NLGN4X: variants seen among roughly 807,000 people sequenced by gnomAD.
NLGN4X encodes neuroligin 4 X-linked, also known as neuroligin-4, X-linked.
Under a neutral mutation model 40.3 loss-of-function variants are expected in NLGN4X, and 3 were observed. The observed-to-expected ratio is 0.07, with a 90% CI of 0.03 to 0.19. The LOEUF is 0.19. NLGN4X is among the 10% of genes least tolerant of loss of function. NLGN4X has a pLI of 1.00. For synonymous variants in NLGN4X, 270 were observed against 306.8 expected, an observed-to-expected ratio of 0.88 and a Z score of 1.25; for missense variants, 382 against 708.3, an observed-to-expected ratio of 0.54 and a Z score of 5.23.
At chrX:6,082,977 T>TTTTTTTTTTTAGG (rs1569227473) in intron 2 of NLGN4X, among the ~76,000 whole-genome samples, 1 of 85,670 alleles carries the variant, frequency 1.2e-5, no homozygotes, top group Non-Finnish European at 2.2e-5. Flanking sequence ...TTTTTTTTTT[T>TTTTTTTTTTTAGG]GAGACGGAGT....
At chrX:6,193,129 A>C (rs757725976) in intron 1 of NLGN4X, among the ~76,000 whole-genome samples, 3 of 112,290 alleles carry the variant, frequency 2.7e-5, no homozygotes, top group African/African-American at 9.7e-5. Context: ...GCCTTTAAAA[A>C]TGCCTCCCTG....
At chrX:6,090,670 C>CAT (rs770164881) in intron 2 of NLGN4X, among the ~76,000 whole-genome samples, 5 of 111,928 alleles carry the variant, frequency 4.5e-5, no homozygotes, top group East Asian at 2.8e-4. Context: ...GAGCAAAAAA[C>CAT]ATATATATAT....
At chrX:5,951,080 G>A (rs1250646334) in intron 3 of NLGN4X, among the ~76,000 whole-genome samples, 1 of 112,105 alleles carries the variant, frequency 8.9e-6, no homozygotes, top group Non-Finnish European at 1.9e-5. Flanking sequence ...TCTTGACAAT[G>A]AAACTTACAA....
chrX:6,068,240 T>C (rs971956367), intron 2 of NLGN4X, among the ~76,000 whole-genome samples: 2 of 111,739 alleles, frequency 1.8e-5, no homozygotes, highest in Non-Finnish European at 3.8e-5. Flanking sequence ...GGCTCAAGTC[T>C]TCTCTCCTGT....
intron 2 of NLGN4X, among the ~76,000 whole-genome samples, chrX:6,114,013 G>T (rs1241519337): frequency 1.8e-5 from 2 of 111,018 alleles, no homozygotes; most frequent in Non-Finnish European, 3.8e-5. Flanking sequence ...TAGAGAGGGG[G>T]TTTCACCATG....
intron 1 of NLGN4X, among the ~76,000 whole-genome samples, chrX:6,181,256 A>G (rs1450790308): frequency 9.0e-6 from 1 of 111,690 alleles, no homozygotes. Context: ...TTAGTAATCT[A>G]TTACACTATA....
intron 2 of NLGN4X, among the ~76,000 whole-genome samples, chrX:6,120,324 C>G (rs1036801207): frequency 3.6e-5 from 4 of 111,920 alleles, no homozygotes; most frequent in African/African-American, 1.3e-4. Flanking sequence ...AGCACCTAGC[C>G]TGATGCCTGG....
At chrX:6,063,170 C>T (rs917050837) in intron 2 of NLGN4X, among the ~76,000 whole-genome samples, 1 of 111,780 alleles carries the variant, frequency 8.9e-6, no homozygotes, top group Non-Finnish European at 1.9e-5. Context: ...CACTCATCAC[C>T]TTATAAAATA....
At chrX:5,960,156 A>C (rs1477737793) in intron 3 of NLGN4X, among the ~76,000 whole-genome samples, 6 of 110,918 alleles carry the variant, frequency 5.4e-5, no homozygotes. Context: ...AGTTCAATCA[A>C]TATTACACAA....
chrX:5,968,167 G>C (rs73442146), intron 3 of NLGN4X, among the ~76,000 whole-genome samples: 1 of 108,449 alleles, frequency 9.2e-6, no homozygotes, highest in South Asian at 4.0e-4. Context: ...GGAGAAATCC[G>C]TAATGCAATA....
rs1288522935 is a variant in NLGN4X, at chrX:5,892,744, T to C, written c.*73A>G. 3 of 1,166,972 alleles carry C rather than the reference T, an allele frequency of 2.6e-6. No homozygotes were observed. The African/African-American group carries it at 5.4e-5, about 21-fold the overall frequency. On this transcript the variant is annotated 3_prime_UTR_variant, in exon 6 of 6. Transcript: ENST00000381095. ...AGACTTTCTTTCTCTCTCTCTTTCCTTCTCTCTTTCCTTCCCTCTTCTATG... is the reference window on the plus strand; with the variant it reads ...AGACTTTCTTTCTCTCTCTCTTTCCCTCTCTCTTTCCTTCCCTCTTCTATG...
In NLGN4X at chrX:5,890,769, A is replaced by C. The variant is rs1003779897; in HGVS notation, c.*2048T>G. ...TTCACATATTTATATACAGAGAATCACTCTCAAATTTAACCCAAGATAAGC... is the reference window on the plus strand; with the variant it reads ...TTCACATATTTATATACAGAGAATCCCTCTCAAATTTAACCCAAGATAAGC... On this transcript the variant is annotated 3_prime_UTR_variant, in exon 6 of 6. Transcript: ENST00000381095. 2 of 296,533 alleles carry C rather than the reference A, an allele frequency of 6.7e-6. No individual in the cohort carries two copies. Among genetic ancestry groups the C allele is most frequent in the Non-Finnish European group, 1.3e-5 (2 of 157,162 alleles). 24.4% of individuals were successfully genotyped at this position (296,533 alleles called of 1,213,427 possible).
chrX:5,952,340 G>A (rs1196171710), intron 3 of NLGN4X, among the ~76,000 whole-genome samples: 2 of 111,987 alleles, frequency 1.8e-5, no homozygotes, highest in Non-Finnish European at 3.8e-5. Context: ...TGTGATGTTA[G>A]GTGCGCCCAG....
chrX:5,912,168 T>C (rs1211946908), intron 3 of NLGN4X, among the ~76,000 whole-genome samples: 1 of 111,371 alleles, frequency 9.0e-6, no homozygotes. Context: ...ACAGGTTATC[T>C]CATTACCCAG....
intron 3 of NLGN4X, among the ~76,000 whole-genome samples, chrX:6,008,300 T>G (rs1327273930): frequency 4.5e-5 from 5 of 111,911 alleles, no homozygotes. Context: ...TCTCTATGAA[T>G]TGAATCCAAA....
chrX:6,021,642 A>G (rs749781548), intron 3 of NLGN4X, among the ~76,000 whole-genome samples: 2 of 111,339 alleles, frequency 1.8e-5, no homozygotes, highest in Non-Finnish European at 3.8e-5. Context: ...CACAACAACC[A>G]TGGGATTACA....
chrX:6,177,123 T>C (rs150618293), intron 1 of NLGN4X, among the ~76,000 whole-genome samples: 2,658 of 112,018 alleles, frequency 0.024, 76 homozygotes, highest in African/African-American at 0.079. Flanking sequence ...AGTTTTCATT[T>C]AAATAATACC....
At chrX:6,225,681 C>CTTTTTTTTTTTTTTTTTTTTTTTTTTT (rs1569309354) in intron 1 of NLGN4X, among the ~76,000 whole-genome samples, 13 of 33,802 alleles carry the variant, frequency 3.8e-4, no homozygotes, top group Non-Finnish European at 5.0e-4. Context: ...TTTTTTCTTT[C>CTTTTTTTTTTTTTTTTTTTTTTTTTTT]TTTTTTTCTT....
chrX:5,961,340 T>C (rs1438462427), intron 3 of NLGN4X, among the ~76,000 whole-genome samples: 1 of 112,541 alleles, frequency 8.9e-6, no homozygotes, highest in Non-Finnish European at 1.9e-5. Context: ...AGAAATCTAT[T>C]GACACTCCAT....
Sources: gnomAD v4.1 joint callset for allele counts (sites outside exome capture counted in the v4.1 genomes callset) on GRCh38, gnomAD v4.1.1 for gene constraint, MANE v1.5 for transcripts, NCBI Gene and HGNC (gene_info 2026-07-23, HGNC 2026-07-21) for gene names.